The following SPTBN4 variants were observed in gnomAD, a reference collection of about 807,000 sequenced individuals.
SPTBN4 encodes the protein spectrin beta, non-erythrocytic 4, also known as spectrin beta chain, non-erythrocytic 4.
In SPTBN4, 96 loss-of-function variants were observed where a neutral mutation model predicts 277.8. The observed-to-expected ratio is 0.35, with a 90% CI of 0.29 to 0.41. The LOEUF is 0.41. SPTBN4 is among the 10% of genes least tolerant of loss of function. SPTBN4 has a pLI of 1.00. For missense variants in SPTBN4, 3,006 were observed against 3,595.7 expected (o/e 0.84, Z 4.19); for synonymous variants, 1,481 against 1,580.3 (o/e 0.94, Z 1.49).
At position 40,554,006 on chromosome 19, in the gene SPTBN4, C is replaced by T. The variant is rs2080946594; in HGVS notation, c.4675-141C>T. The T allele has an allele frequency of 4.7e-6, 4 of 847,656 alleles. No homozygotes were observed. Among genetic ancestry groups the T allele is most frequent in the Non-Finnish European group, 5.0e-6 (3 of 598,210 alleles). The allele number at this position is 847,656 out of a possible 1,614,324, so 52.5% of individuals were successfully genotyped here. On this transcript the variant is annotated intron_variant, in intron 22 of 35. Coordinates refer to ENST00000598249, the MANE Select transcript of SPTBN4 (RefSeq NM_020971.3). The surrounding 1 kb of genome is among the most constrained non-coding windows in gnomAD (Gnocchi z 5.7). ...TGAGGGAGTATCAGCAAAATGTTTA[C>T]ATGGTCTTGGCACGTGGTTAGCGAG...
chr19:40,548,728 G>T (rs1226557903), intron 20 of SPTBN4, among the ~76,000 whole-genome samples: 1 of 149,704 alleles, frequency 6.7e-6, no homozygotes, highest in Non-Finnish European at 1.5e-5. Context: ...AAAAAAAAAA[G>T]CGTTAACAAA....
chr19:40,544,061 A>G (rs2080829092), intron 20 of SPTBN4, among the ~76,000 whole-genome samples: 1 of 149,664 alleles, frequency 6.7e-6, no homozygotes, highest in Non-Finnish European at 1.5e-5. Context: ...GGGAATTTTT[A>G]TGCATGTGCA....
At position 40,554,656 on chromosome 19, in the gene SPTBN4, C is replaced by T; in HGVS notation, c.5084+10C>T. Reference sequence around the variant, plus strand: ...TGGGGCACCCGGACAGGTGGGCGGGCGCGTGGCCAGTTCACAGGAATGGTC... The same window carrying T: ...TGGGGCACCCGGACAGGTGGGCGGGTGCGTGGCCAGTTCACAGGAATGGTC... On this transcript the variant is annotated intron_variant, in intron 24 of 35. Transcript: ENST00000598249. The surrounding 1 kb of genome is among the most constrained non-coding windows in gnomAD (Gnocchi z 5.7). 1 of 1,589,780 alleles carries T rather than the reference C, an allele frequency of 6.3e-7. No homozygotes were observed. The highest frequency in any genetic ancestry group is 1.8e-5 in the Admixed American group (1 of 56,666).
intron 12 of SPTBN4, among the ~76,000 whole-genome samples, chr19:40,505,650 A>G (rs2080317606): frequency 6.6e-6 from 1 of 151,442 alleles, no homozygotes; most frequent in Non-Finnish European, 1.5e-5. Context: ...AGCCTGGGTG[A>G]CAGAGGCAGA....
intron 24 of SPTBN4, among the ~76,000 whole-genome samples, chr19:40,555,620 A>C (rs957710228): frequency 1.3e-5 from 2 of 152,066 alleles, no homozygotes; most frequent in African/African-American, 4.8e-5. Context: ...TCTGAACCCA[A>C]GACTTGCAGA....
At chr19:40,517,094 G>C (rs1249068188) in intron 15 of SPTBN4, among the ~76,000 whole-genome samples, 1 of 152,174 alleles carries the variant, frequency 6.6e-6, no homozygotes, top group African/African-American at 2.4e-5. Flanking sequence ...AGTTCTGGCT[G>C]AATCCTGAGC....
intron 17 of SPTBN4, among the ~76,000 whole-genome samples, chr19:40,527,887 C>G (rs917836023): frequency 6.6e-6 from 1 of 152,016 alleles, no homozygotes; most frequent in African/African-American, 2.4e-5. Context: ...GAAAACTCGT[C>G]TCTACTAAAA....
intron 20 of SPTBN4, among the ~76,000 whole-genome samples, chr19:40,540,079 A>G (rs2080781874): frequency 6.6e-6 from 1 of 151,668 alleles, no homozygotes. Context: ...GGCACCCGCC[A>G]CCATACCCGG....
chr19:40,504,030 T>G lies in SPTBN4; in HGVS notation c.1563T>G (p.Thr521=). The change falls in exon 12 of 36, where the codon ACT becomes ACG. Residue 521 remains threonine (T), a synonymous_variant. Coordinates refer to ENST00000598249, the MANE Select transcript of SPTBN4 (RefSeq NM_020971.3). The stretch of plus-strand genomic sequence containing the variant: ...TCCTGCGCCAGTGGGCCCTGCTAAC[T>G]GGGCTTGTGGGTGCCCGGCGGACAC... ...DSVLRQWALL[T]GLVGARRTRL... 6.2e-7 allele frequency: 1 copy of G among 1,613,682 alleles called. No homozygotes were observed. The highest frequency in any genetic ancestry group is 8.5e-7 in the Non-Finnish European group (1 of 1,179,926).
intron 4 of SPTBN4, among the ~76,000 whole-genome samples, chr19:40,492,349 T>C (rs1293707385): frequency 1.3e-5 from 2 of 151,610 alleles, no homozygotes; most frequent in East Asian, 3.9e-4. Context: ...ATGGGTCCAG[T>C]GGTTATGGGT....
intron 4 of SPTBN4, among the ~76,000 whole-genome samples, 174 bp from the exon 5 acceptor site, chr19:40,492,789 T>G (rs1415740591): frequency 6.6e-6 from 1 of 152,116 alleles, no homozygotes; most frequent in Non-Finnish European, 1.5e-5. Context: ...TAATTGTGGA[T>G]GTCCTGGCCC....
chr19:40,534,892 C>T (rs370429343), intron 20 of SPTBN4: 56 of 157,704 alleles, frequency 3.6e-4, no homozygotes, highest in African/African-American at 1.2e-3. Flanking sequence ...AGAGAACAGA[C>T]GCAGCGTCTG....
chr19:40,481,471 T>G (rs1479441211), intron 2 of SPTBN4, among the ~76,000 whole-genome samples: 1 of 151,496 alleles, frequency 6.6e-6, no homozygotes, highest in Non-Finnish European at 1.5e-5. Flanking sequence ...TGGTCAGGTT[T>G]TTTGTTTTGT....
At chr19:40,508,400 T>TG (rs1164976013) in intron 13 of SPTBN4, among the ~76,000 whole-genome samples, 2 of 152,116 alleles carry the variant, frequency 1.3e-5, no homozygotes, top group Non-Finnish European at 2.9e-5. Flanking sequence ...GAAAGTATGA[T>TG]GGGGGGCTAG....
At chr19:40,521,921 T>C (rs910583438) in intron 16 of SPTBN4, among the ~76,000 whole-genome samples, 1 of 152,150 alleles carries the variant, frequency 6.6e-6, no homozygotes, top group African/African-American at 2.4e-5. Context: ...AGTGCTGGGA[T>C]TGCAGGTGTG....
chr19:40,534,601 T>A, intron 20 of SPTBN4: 1 of 488,984 alleles, frequency 2.0e-6, no homozygotes, highest in African/African-American at 1.9e-5. Flanking sequence ...ATGACTAGCA[T>A]GCTAAAGGTT....
Position 40,560,242 on chromosome 19 carries a change from G to C in SPTBN4, c.5754G>C (p.Gln1918His). Residue 1918 changes from glutamine to histidine, a missense_variant, in exon 27 of 36, where the codon CAG (glutamine) becomes CAC (histidine). Physicochemically the swap from Gln to His is conservative, Grantham distance 24. Coordinates refer to ENST00000598249, the MANE Select transcript of SPTBN4 (RefSeq NM_020971.3). The surrounding 1 kb of genome is among the most constrained non-coding windows in gnomAD (Gnocchi z 5.2). ...CCGAGGCCATCGCTAGCCGGGAGCA[G>C]GAGGTGCTGCAGGGTTGGAAAGAGC... ...EHAEAIASREQEVLQGWKELL... is the reference protein window; with the variant it reads ...EHAEAIASREHEVLQGWKELL... The C allele has an allele frequency of 1.2e-6, 2 of 1,612,870 alleles. No homozygotes were observed. Among genetic ancestry groups the C allele is most frequent in the Non-Finnish European group, 1.7e-6 (2 of 1,179,968 alleles).
At chr19:40,491,738 A>AAAAAAAG (rs2080139191) in intron 4 of SPTBN4, among the ~76,000 whole-genome samples, 1 of 147,040 alleles carries the variant, frequency 6.8e-6, no homozygotes, top group Non-Finnish European at 1.5e-5. Context: ...AAAAAAAAAA[A>AAAAAAAG]GTGACCGGGC....
intron 6 of SPTBN4, 69 bp from the exon 7 acceptor site, chr19:40,497,420 G>T (rs2080212028): frequency 8.6e-7 from 1 of 1,167,038 alleles, no homozygotes; most frequent in Non-Finnish European, 1.3e-6. Context: ...GACAAGGGTG[G>T]CTTCTTCCCT....
Sources: allele counts gnomAD v4.1 joint callset (sites outside exome capture counted in the v4.1 genomes callset), GRCh38; gene constraint gnomAD v4.1.1; non-coding constraint Gnocchi (gnomAD v3.1); transcripts MANE v1.5; gene names NCBI Gene and HGNC (gene_info 2026-07-23, HGNC 2026-07-21).